The following GARRE1 variants were observed in gnomAD, a reference collection of about 807,000 sequenced individuals.
GARRE1 encodes the protein granule associated Rac and RHOG effector protein 1.
Under a neutral mutation model 103.2 loss-of-function variants are expected in GARRE1, and 49 were observed. The observed-to-expected ratio is 0.47, with a 90% CI of 0.38 to 0.60. GARRE1 has a LOEUF of 0.60. Among genes scored for constraint, GARRE1 ranks in the 20% least tolerant of loss-of-function variants. GARRE1 has a pLI of 0.00. For missense variants in GARRE1, 1,199 were observed against 1,370.5 expected (o/e 0.87, Z 1.98); for synonymous variants, 505 against 532.8 (o/e 0.95, Z 0.72).
chr19:34,304,181 C>G (rs945415932), intron 2 of GARRE1, among the ~76,000 whole-genome samples: 1 of 151,920 alleles, frequency 6.6e-6, no homozygotes, highest in African/African-American at 2.4e-5. Context: ...ACCTCTGCCT[C>G]CTGGGTTGAA....
intron 1 of GARRE1, among the ~76,000 whole-genome samples, chr19:34,269,798 T>C (rs1199565903): frequency 6.6e-6 from 1 of 152,218 alleles, no homozygotes; most frequent in Non-Finnish European, 1.5e-5. Context: ...AACCTTTTCA[T>C]TGATATTTTT....
At chr19:34,263,754 T>C (rs1472731616) in intron 1 of GARRE1, among the ~76,000 whole-genome samples, 1 of 152,240 alleles carries the variant, frequency 6.6e-6, no homozygotes, top group African/African-American at 2.4e-5. Context: ...CCCAAAGTGC[T>C]GGGATTACAG....
intron 7 of GARRE1, among the ~76,000 whole-genome samples, chr19:34,332,744 A>G (rs939586143): frequency 1.3e-5 from 2 of 152,236 alleles, no homozygotes; most frequent in Non-Finnish European, 2.9e-5. Flanking sequence ...CCCTTCTGAA[A>G]TATTACAGAT....
chr19:34,352,316 C>T (rs568238417), intron 13 of GARRE1, among the ~76,000 whole-genome samples: 1 of 150,146 alleles, frequency 6.7e-6, no homozygotes, highest in Non-Finnish European at 1.5e-5. Context: ...ACAGGAGAAT[C>T]GCTTGAACCC....
At chr19:34,336,278 A>G (rs1410573146) in intron 8 of GARRE1, among the ~76,000 whole-genome samples, 1 of 152,148 alleles carries the variant, frequency 6.6e-6, no homozygotes. Context: ...GGCGTGAGCT[A>G]CTGTACCTGG....
At chr19:34,263,926 C>A (rs1435627596) in intron 1 of GARRE1, among the ~76,000 whole-genome samples, 1 of 152,144 alleles carries the variant, frequency 6.6e-6, no homozygotes, top group Non-Finnish European at 1.5e-5. Context: ...CTGCCTTGAC[C>A]TCAGTTTACC....
chr19:34,262,363 T>C (rs1365211394), intron 1 of GARRE1, among the ~76,000 whole-genome samples: 1 of 141,892 alleles, frequency 7.0e-6, no homozygotes, highest in Non-Finnish European at 1.5e-5. Context: ...TAGTGCGATC[T>C]CAGCTCATTG....
At chr19:34,281,580 C>T (rs2073854060) in intron 1 of GARRE1, among the ~76,000 whole-genome samples, 1 of 152,128 alleles carries the variant, frequency 6.6e-6, no homozygotes, top group African/African-American at 2.4e-5. Flanking sequence ...TGAGCCACTG[C>T]ACCTGGCCAA....
At chr19:34,339,564 G>A (rs561517965) in intron 8 of GARRE1, among the ~76,000 whole-genome samples, 3 of 152,256 alleles carry the variant, frequency 2.0e-5, no homozygotes, top group East Asian at 1.9e-4. Flanking sequence ...CATCTTATTA[G>A]AACAAAAGAC....
At chr19:34,344,980 A>C (rs182935545) in intron 10 of GARRE1, among the ~76,000 whole-genome samples, 1 of 152,152 alleles carries the variant, frequency 6.6e-6, no homozygotes, top group Non-Finnish European at 1.5e-5. Flanking sequence ...CTAGGACTAC[A>C]GGCGCACGCT....
At chr19:34,254,986 C>T (rs986848407) in intron 1 of GARRE1, among the ~76,000 whole-genome samples, 2 of 151,726 alleles carry the variant, frequency 1.3e-5, no homozygotes, top group Non-Finnish European at 2.9e-5. Flanking sequence ...CGCGCTGGCG[C>T]CAGGACCCGC....
chr19:34,320,205 T>C (rs2145260187), intron 3 of GARRE1, 89 bp downstream of exon 3: 1 of 1,054,008 alleles, frequency 9.5e-7, no homozygotes, highest in East Asian at 2.5e-5. Flanking sequence ...AAACAGCCAT[T>C]TCATTTAGAA....
rs80173236 is a variant in GARRE1, at chr19:34,283,698, C to T, written c.-795-15981C>T. Among the ~76,000 whole-genome samples, 1,386 of 152,228 alleles carry T rather than the reference C, an allele frequency of 9.1e-3. 12 individuals are homozygous for T. The highest frequency in any genetic ancestry group is 0.016 in the Non-Finnish European group (1,065 of 68,008). ...GGGCCATTCTCTTCTTCACTTCAAT[C>T]GTCTTATCTTTCTAAAGGGAAGTGC... is the stretch of plus-strand genomic sequence containing the variant. On this transcript the variant is annotated intron_variant, in intron 1 of 13. Coordinates refer to ENST00000299505, the MANE Select transcript of GARRE1 (RefSeq NM_014686.5).
intron 3 of GARRE1, among the ~76,000 whole-genome samples, chr19:34,320,321 A>G (rs2074080567): frequency 6.6e-6 from 1 of 152,244 alleles, no homozygotes; most frequent in Admixed American, 6.5e-5. Context: ...TAGGATGACA[A>G]CCTCTACTCA....
chr19:34,258,872 C>T (rs940839651), intron 1 of GARRE1, among the ~76,000 whole-genome samples: 5 of 151,924 alleles, frequency 3.3e-5, no homozygotes, highest in Non-Finnish European at 5.9e-5. Flanking sequence ...GGAGACCAGC[C>T]TGGGCAACAT....
chr19:34,297,559 A>C (rs2073953926), intron 1 of GARRE1, among the ~76,000 whole-genome samples: 1 of 152,178 alleles, frequency 6.6e-6, no homozygotes, highest in Non-Finnish European at 1.5e-5. Flanking sequence ...GAACAAAGAT[A>C]GAGTGTTTCT....
intron 2 of GARRE1, among the ~76,000 whole-genome samples, chr19:34,314,916 A>G (rs746476932): frequency 9.9e-5 from 15 of 152,176 alleles, no homozygotes; most frequent in Non-Finnish European, 2.1e-4. Flanking sequence ...TGTGTAGCTC[A>G]TTATGTAATG....
chr19:34,275,525 T>C (rs1026551084), intron 1 of GARRE1, among the ~76,000 whole-genome samples: 1 of 152,188 alleles, frequency 6.6e-6, no homozygotes, highest in South Asian at 2.1e-4. Flanking sequence ...CTTAGCATAA[T>C]GTTTTCAAGG....
intron 3 of GARRE1, among the ~76,000 whole-genome samples, chr19:34,321,050 CTTTTTT>C (rs33942697): frequency 1.8e-5 from 1 of 55,734 alleles, no homozygotes; most frequent in African/African-American, 9.1e-5. Context: ...AGACAAGATT[CTTTTTT>C]TTTTTTTTTT....
Sources: allele counts gnomAD v4.1 joint callset (sites outside exome capture counted in the v4.1 genomes callset), GRCh38; gene constraint gnomAD v4.1.1; transcripts MANE v1.5; gene names NCBI Gene and HGNC (gene_info 2026-07-23, HGNC 2026-07-21).